Variants in MRTFB observed in about 807,000 individuals in gnomAD.
MRTFB encodes myocardin related transcription factor B.
A neutral mutation model predicts 104.2 loss-of-function variants in MRTFB; 29 were observed. The observed-to-expected ratio is 0.28, with a 90% CI of 0.21 to 0.38. The LOEUF (loss-of-function observed/expected upper bound fraction) is 0.38, where lower values mean the gene tolerates loss of function less well. Ranked by LOEUF, MRTFB falls within the 10% of genes least tolerant of loss-of-function variation. The pLI is 1.00. For missense variants in MRTFB, 1,270 were observed against 1,341.6 expected (o/e 0.95, Z 0.83); for synonymous variants, 535 against 519.5 (o/e 1.03, Z -0.41).
intron 3 of MRTFB, among the ~76,000 whole-genome samples, chr16:14,168,120 A>G (rs1266691039): frequency 6.6e-6 from 1 of 152,000 alleles, no homozygotes; most frequent in Non-Finnish European, 1.5e-5. Context: ...GCTTTTTATC[A>G]GGTTTGTCCA....
intron 2 of MRTFB, among the ~76,000 whole-genome samples, chr16:14,096,209 G>T (rs2035359653): frequency 6.6e-6 from 1 of 152,030 alleles, no homozygotes. Flanking sequence ...GGGTAGCTGG[G>T]ATTACAGGCA....
At chr16:14,253,222 T>A (rs982721213) in intron 15 of MRTFB, among the ~76,000 whole-genome samples, 3 of 152,164 alleles carry the variant, frequency 2.0e-5, no homozygotes, top group African/African-American at 2.4e-5. Context: ...TAAACACTCC[T>A]CCAATCTTTC....
chr16:14,228,336 G>T (rs185416210), intron 8 of MRTFB, among the ~76,000 whole-genome samples: 1 of 152,322 alleles, frequency 6.6e-6, no homozygotes, highest in East Asian at 1.9e-4. Context: ...CAGCACTTTG[G>T]GAGGCCAAGT....
chr16:14,161,732 G>A (rs377528509), intron 3 of MRTFB, among the ~76,000 whole-genome samples: 35 of 152,154 alleles, frequency 2.3e-4, no homozygotes, highest in South Asian at 6.2e-4. Flanking sequence ...ACTTCTACAC[G>A]CCAGTATAAT....
intron 2 of MRTFB, among the ~76,000 whole-genome samples, chr16:14,116,053 C>T (rs1299944277): frequency 1.3e-5 from 2 of 152,212 alleles, no homozygotes; most frequent in Non-Finnish European, 2.9e-5. Context: ...TAAATCCTTT[C>T]ATTGGCTTCT....
the MRTFB span, among the ~76,000 whole-genome samples, chr16:14,049,229 A>G: frequency 6.6e-6 from 1 of 152,206 alleles, no homozygotes; most frequent in Non-Finnish European, 1.5e-5. Context: ...CTAAATCTAC[A>G]TGCCAGTTCT....
At chr16:14,164,367 A>G (rs753947626) in intron 3 of MRTFB, among the ~76,000 whole-genome samples, 2 of 152,088 alleles carry the variant, frequency 1.3e-5, no homozygotes, top group Non-Finnish European at 2.9e-5. Flanking sequence ...AATGACCTCT[A>G]GTTCCATCCA....
rs139277162 is a variant in MRTFB at position 14,113,324 on chromosome 16, G to A, written c.-63-27220G>A. On this transcript the variant is annotated intron_variant, in intron 2 of 16. Transcript: ENST00000571589. ...CTCCCAGAGTGCTGGGATTACAGGC[G>A]TGAGCCACCACGCCCAGCCTATGTC... is the stretch of plus-strand genomic sequence containing the variant. Among the ~76,000 whole-genome samples the A allele has an allele frequency of 1.6e-4, 24 of 152,314 alleles. No homozygotes were observed. In the East Asian group the frequency reaches 4.6e-3, roughly 29 times the overall value.
intron 3 of MRTFB, among the ~76,000 whole-genome samples, chr16:14,197,035 T>G (rs920988743): frequency 6.7e-6 from 1 of 148,690 alleles, no homozygotes; most frequent in Admixed American, 7.0e-5. Context: ...AGTGTCGTGA[T>G]TGCGGCTCAC....
At chr16:14,132,099 A>G (rs553176763) in intron 2 of MRTFB, among the ~76,000 whole-genome samples, 1 of 152,340 alleles carries the variant, frequency 6.6e-6, no homozygotes, top group African/African-American at 2.4e-5. Context: ...CAACCATAAA[A>G]AGCAGTAAAA....
chr16:14,008,217 A>G, the MRTFB span, among the ~76,000 whole-genome samples: 2 of 152,108 alleles, frequency 1.3e-5, no homozygotes, highest in African/African-American at 4.8e-5. Context: ...AATAAAGTCC[A>G]ATTTTTCTAT....
chr16:14,144,224 A>G (rs2038173369), intron 3 of MRTFB: 1 of 152,220 alleles, frequency 6.6e-6, no homozygotes, highest in African/African-American at 2.4e-5. Context: ...TCTCATTCTG[A>G]GAAACTGTGC....
At chr16:14,145,675 T>C (rs1205934193) in intron 3 of MRTFB, among the ~76,000 whole-genome samples, 1 of 152,214 alleles carries the variant, frequency 6.6e-6, no homozygotes, top group Non-Finnish European at 1.5e-5. Context: ...GGAAAATGGA[T>C]ATACAGAAAC....
intron 3 of MRTFB, among the ~76,000 whole-genome samples, chr16:14,189,050 TCTC>T (rs1308009344): frequency 6.6e-6 from 1 of 152,020 alleles, no homozygotes; most frequent in African/African-American, 2.4e-5. Context: ...ACTAAATATT[TCTC>T]CTCATTTAAT....
the MRTFB span, among the ~76,000 whole-genome samples, chr16:14,007,187 C>T: frequency 2.0e-5 from 3 of 152,164 alleles, no homozygotes; most frequent in Non-Finnish European, 2.9e-5. Flanking sequence ...AAAAGAAACA[C>T]GGCCACCTTC....
chr16:14,059,275 A>G, the MRTFB span, among the ~76,000 whole-genome samples: 1 of 152,104 alleles, frequency 6.6e-6, no homozygotes, highest in Non-Finnish European at 1.5e-5. Flanking sequence ...ACAATAAAAT[A>G]TGTTAATTAT....
chr16:14,232,726 A>G lies in MRTFB; in HGVS notation c.694-1420A>G, dbSNP rs7206627. ...TTGAGAACGTGACCCAGTGTGAGTA[A>G]AGCCAGAAGAAATGCCCATTCATCA... On this transcript the variant is annotated intron_variant, in intron 8 of 16. Coordinates refer to ENST00000571589, the MANE Select transcript of MRTFB (RefSeq NM_001308142.2). Among the ~76,000 whole-genome samples, 386 of 152,310 alleles carry G rather than the reference A, an allele frequency of 2.5e-3. 1 individual carries two copies. Among genetic ancestry groups the G allele is most frequent in the African/African-American group, 8.8e-3 (366 of 41,562 alleles).
At chr16:14,176,240 G>T (rs970760091) in intron 3 of MRTFB, among the ~76,000 whole-genome samples, 1 of 152,206 alleles carries the variant, frequency 6.6e-6, no homozygotes, top group African/African-American at 2.4e-5. Context: ...TTTAATTAAA[G>T]AGAAGCTTGA....
rs967352342 is a variant in MRTFB at position 14,265,335 on chromosome 16, C to G, written c.*3891C>G. The G allele has an allele frequency of 5.9e-5, 9 of 152,156 alleles. No homozygotes were observed. Among genetic ancestry groups the G allele is most frequent in the African/African-American group, 2.2e-4 (9 of 41,424 alleles). 9.4% of individuals were successfully genotyped at this position (152,156 alleles called of 1,614,324 possible). A position where few individuals can be genotyped will look rare whatever the true frequency, so the allele number is the denominator to read the frequency against. The stretch of plus-strand genomic sequence containing the variant: ...ATACCCATACAAATCGTCCCACCGC[C>G]CTAGAGGCCACAGAATTAGCCCAAA... On this transcript the variant is annotated 3_prime_UTR_variant, in exon 17 of 17. Transcript: ENST00000571589.
Sources: allele counts gnomAD v4.1 joint callset (sites outside exome capture counted in the v4.1 genomes callset), GRCh38; gene constraint gnomAD v4.1.1; transcripts MANE v1.5; gene names NCBI Gene and HGNC (gene_info 2026-07-23, HGNC 2026-07-21).